The following PTPRM variants were observed in gnomAD, a reference collection of about 807,000 sequenced individuals.
The protein encoded by PTPRM is protein tyrosine phosphatase receptor type M.
Under a neutral mutation model 186.7 loss-of-function variants are expected in PTPRM, and 47 were observed. The ratio of observed to expected loss-of-function variants is 0.25; its 90% CI spans 0.20 to 0.32. The LOEUF is 0.32. PTPRM is among the 10% of genes least tolerant of loss of function. PTPRM has a pLI of 1.00. For missense variants in PTPRM, 1,494 were observed against 1,865.0 expected, an observed-to-expected ratio of 0.80 and a Z score of 3.66; for synonymous variants, 668 against 674.9, an observed-to-expected ratio of 0.99 and a Z score of 0.16.
rs1219297524 is a variant in PTPRM, at chr18:8,126,006, TATATATATATATA to T, written c.2167+11180_2167+11192del. On this transcript the variant is annotated intron_variant, in intron 13 of 32. Transcript: ENST00000580170. ...ATATATATATATATATATATATATA[TATATATATATATA>T]TATATATATTTTAAATCAGTAGACC... is the stretch of plus-strand genomic sequence containing the variant. Among the ~76,000 whole-genome samples the T allele has an allele frequency of 3.6e-3, 86 of 23,936 alleles. 5 individuals are homozygous for T. Among genetic ancestry groups the T allele is most frequent in the African/African-American group, 8.5e-3 (79 of 9,268 alleles). 15.7% of individuals were successfully genotyped at this position (23,936 alleles called of 152,430 possible). A position where few individuals can be genotyped will look rare whatever the true frequency, so the allele number is the denominator to read the frequency against.
intron 1 of PTPRM, among the ~76,000 whole-genome samples, chr18:7,618,362 ATTATTTTTTTGAATAATACAT>A (rs2037856366): frequency 6.6e-6 from 1 of 152,086 alleles, no homozygotes; most frequent in Non-Finnish European, 1.5e-5. Flanking sequence ...TGATTTACTG[ATTATTTTTTTGAATAATACAT>A]TTTAAAAGAG....
At chr18:8,246,228 G>A (rs778270039) in intron 15 of PTPRM, among the ~76,000 whole-genome samples, 1 of 152,194 alleles carries the variant, frequency 6.6e-6, no homozygotes, top group Non-Finnish European at 1.5e-5. Context: ...CCACACCTAT[G>A]ACAAGTGTGG....
intron 3 of PTPRM, among the ~76,000 whole-genome samples, chr18:7,902,335 C>G (rs2049737743): frequency 6.6e-6 from 1 of 152,172 alleles, no homozygotes; most frequent in Non-Finnish European, 1.5e-5. Context: ...GACAAGTCAT[C>G]TTGCTGGGAA....
At chr18:8,305,665 C>T (rs1157504603) in intron 20 of PTPRM, among the ~76,000 whole-genome samples, 1 of 152,076 alleles carries the variant, frequency 6.6e-6, no homozygotes, top group Non-Finnish European at 1.5e-5. Flanking sequence ...TGAGCAGATA[C>T]CAGGAGATTA....
chr18:8,097,041 C>A (rs2091047961), intron 11 of PTPRM, among the ~76,000 whole-genome samples: 1 of 152,122 alleles, frequency 6.6e-6, no homozygotes, highest in Non-Finnish European at 1.5e-5. Flanking sequence ...GGCACAGATA[C>A]AGAAGGAATT....
intron 15 of PTPRM, 75 bp downstream of exon 15, chr18:8,244,284 CA>C (rs71896963): frequency 0.047 from 49,667 of 1,062,258 alleles, 1 homozygote; most frequent in East Asian, 0.19. Flanking sequence ...TAGGGGATTT[CA>C]AAAAAAAAAA....
intron 1 of PTPRM, among the ~76,000 whole-genome samples, chr18:7,753,314 A>G (rs2041312866): frequency 6.6e-6 from 1 of 152,090 alleles, no homozygotes; most frequent in African/African-American, 2.4e-5. Flanking sequence ...AGTCAGAATT[A>G]TATGTATATC....
Position 8,097,458 on chromosome 18 carries a change from T to A in PTPRM, c.1856+8607T>A, listed in dbSNP as rs79829146. On this transcript the variant is annotated intron_variant, in intron 11 of 32. Coordinates refer to ENST00000580170, the MANE Select transcript of PTPRM (RefSeq NM_001105244.2). The stretch of plus-strand genomic sequence containing the variant: ...GCTCTGTCCAGTTATTAGTACCTGG[T>A]TAAAATCCTGGCCCTTCATAGCATT... Among the ~76,000 whole-genome samples, 1,185 of 152,292 alleles carry A rather than the reference T, an allele frequency of 7.8e-3. 12 individuals are homozygous for A. The highest frequency in any genetic ancestry group is 0.027 in the African/African-American group (1,118 of 41,558).
rs138206596 is a variant in PTPRM at position 8,245,964 on chromosome 18, G to A, written c.2452+1755G>A. The stretch of plus-strand genomic sequence containing the variant: ...ACAAACGGCAGCTGCAGAGGCCAAC[G>A]GAGCTTCCACAACTGATCGGCTATT... On this transcript the variant is annotated intron_variant, in intron 15 of 32. Coordinates refer to ENST00000580170, the MANE Select transcript of PTPRM (RefSeq NM_001105244.2). Among the ~76,000 whole-genome samples, 388 of 152,256 alleles carry A rather than the reference G, an allele frequency of 2.5e-3. 2 individuals carry two copies. Among genetic ancestry groups the A allele is most frequent in the East Asian group, 5.0e-3 (26 of 5,172 alleles).
At chr18:7,853,250 A>G (rs570228633) in intron 2 of PTPRM, among the ~76,000 whole-genome samples, 10 of 152,318 alleles carry the variant, frequency 6.6e-5, no homozygotes, top group Non-Finnish European at 1.2e-4. Context: ...TCTTTCCACA[A>G]TCCCTTTCAA....
chr18:8,244,022 A>C, intron 14 of PTPRM, 36 bp from the exon 15 acceptor site: 1 of 1,589,106 alleles, frequency 6.3e-7, no homozygotes, highest in South Asian at 1.2e-5. Flanking sequence ...ATCCCGTTCA[A>C]ATGCATGCCT....
At chr18:8,173,807 C>T (rs2093440702) in intron 14 of PTPRM, among the ~76,000 whole-genome samples, 1 of 152,052 alleles carries the variant, frequency 6.6e-6, no homozygotes, top group Non-Finnish European at 1.5e-5. Flanking sequence ...GGTGGCTCAC[C>T]CCTGTAATCC....
chr18:7,862,538 C>G (rs1158966496), intron 2 of PTPRM, among the ~76,000 whole-genome samples: 1 of 152,122 alleles, frequency 6.6e-6, no homozygotes, highest in Non-Finnish European at 1.5e-5. Context: ...GGACACCTCC[C>G]AGGGATTTCT....
chr18:7,642,224 A>G (rs2038459854), intron 1 of PTPRM, among the ~76,000 whole-genome samples: 1 of 152,198 alleles, frequency 6.6e-6, no homozygotes, highest in Admixed American at 6.5e-5. Context: ...TTAGGCAAGA[A>G]GTTTCCAGTT....
intron 11 of PTPRM, among the ~76,000 whole-genome samples, chr18:8,103,052 T>C (rs186994586): frequency 2.8e-4 from 43 of 152,314 alleles, no homozygotes; most frequent in African/African-American, 8.4e-4. Context: ...GAAGTAGGTC[T>C]CAACAGTGGG....
chr18:7,872,891 C>T (rs187117673), intron 2 of PTPRM, among the ~76,000 whole-genome samples: 90 of 152,276 alleles, frequency 5.9e-4, no homozygotes, highest in Middle Eastern at 6.8e-3. Context: ...AGTAAAGCCA[C>T]ATGAGTGTTA....
intron 14 of PTPRM, among the ~76,000 whole-genome samples, chr18:8,229,987 C>G (rs1227975392): frequency 6.6e-6 from 1 of 152,206 alleles, no homozygotes; most frequent in East Asian, 1.9e-4. Flanking sequence ...ACTAGGTCAT[C>G]TGAAATAAAG....
chr18:7,882,507 A>G (rs1261743042), intron 2 of PTPRM, among the ~76,000 whole-genome samples: 1 of 152,212 alleles, frequency 6.6e-6, no homozygotes, highest in East Asian at 1.9e-4. Context: ...CTCGTATTCT[A>G]AATCCACAAA....
At position 7,728,449 on chromosome 18, in the gene PTPRM, C is replaced by T. The variant is rs143044416; in HGVS notation, c.74-45700C>T. On this transcript the variant is annotated intron_variant, in intron 1 of 32. Coordinates refer to ENST00000580170, the MANE Select transcript of PTPRM (RefSeq NM_001105244.2). The stretch of plus-strand genomic sequence containing the variant: ...CACCATACAGGAGCTGAAGAGGCTA[C>T]GCTCCTCCCTGCATAAGGCGCAAAT... 7.9e-3 allele frequency among the ~76,000 whole-genome samples: 1,180 copies of T among 150,208 alleles called. 18 individuals carry two copies. The highest frequency in any genetic ancestry group is 0.028 in the African/African-American group (1,104 of 39,708).
Sources: allele counts gnomAD v4.1 joint callset (sites outside exome capture counted in the v4.1 genomes callset), GRCh38; gene constraint gnomAD v4.1.1; transcripts MANE v1.5; gene names NCBI Gene and HGNC (gene_info 2026-07-23, HGNC 2026-07-21).